DCHS1: variants seen among roughly 807,000 people sequenced by gnomAD.
DCHS1 encodes protocadherin-16.
A neutral mutation model predicts 213.9 loss-of-function variants in DCHS1; 78 were observed. The ratio of observed to expected loss-of-function variants is 0.36; its 90% CI spans 0.30 to 0.44. The LOEUF (loss-of-function observed/expected upper bound fraction) is 0.44. DCHS1 is among the 20% of genes least tolerant of loss of function. The pLI, the probability that DCHS1 is intolerant of heterozygous loss-of-function variation, is 1.00. For synonymous variants in DCHS1, 1,828 were observed against 1,873.7 expected (o/e 0.98, Z 0.63); for missense variants, 3,946 against 4,395.9 (o/e 0.90, Z 2.89).
rs751931235 is a variant in DCHS1 at position 6,624,752 on chromosome 11, G to A, written c.7263C>T (p.Gly2421=). ...ISYHLASPAD[G]FSVDPNNGTL... The stretch of plus-strand genomic sequence containing the variant: ...CACCATTGTTGGGGTCAACACTGAA[G>A]CCATCGGCAGGGGAAGCCAGGTGGT... Residue 2421 remains glycine, a synonymous_variant, in exon 20 of 21, where the codon GGC becomes GGT. Transcript: ENST00000299441. The A allele has an allele frequency of 8.7e-6, 14 of 1,613,962 alleles. No individual in the cohort carries two copies. In the South Asian group the frequency reaches 1.5e-4, roughly 18 times the overall value.
At position 6,628,565 on chromosome 11, in the gene DCHS1, G is replaced by A; in HGVS notation, c.5371+56C>T. On this transcript the variant is annotated intron_variant, in intron 13 of 20. Coordinates refer to ENST00000299441, the MANE Select transcript of DCHS1 (RefSeq NM_003737.4). The surrounding 1 kb of genome is among the most constrained non-coding windows in gnomAD (Gnocchi z 4.3). ...CACTGAGGCTGACAGCAGCCAAGAA[G>A]GAGCAAGAACCAGGCAAGTGGGTGC... 2 of 1,598,352 alleles carry A rather than the reference G, an allele frequency of 1.3e-6. No individual in the cohort carries two copies. Among genetic ancestry groups the A allele is most frequent in the South Asian group, 2.2e-5 (2 of 90,694 alleles).
chr11:6,640,728 G>T lies in DCHS1; in HGVS notation c.886C>A (p.Arg296=). The part of the protein sequence containing the change: ...VNGAVTYEIN[R]RQSEGDGPFS... ...GGTCCATCACCCTCGCTCTGCCTCC[G>T]GTTGATCTCGTAAGTCACAGCCCCA... is the stretch of plus-strand genomic sequence containing the variant. Residue 296 remains arginine (R), a synonymous_variant, in exon 2 of 21, where the codon CGG becomes AGG. Coordinates refer to ENST00000299441, the MANE Select transcript of DCHS1 (RefSeq NM_003737.4). This position sits in a 1 kb window ranked among gnomAD's most constrained non-coding sequence, Gnocchi z 6.5. 6.2e-7 allele frequency: 1 copy of T among 1,613,936 alleles called. No individual in the cohort carries two copies. Among genetic ancestry groups the T allele is most frequent in the African/African-American group, 1.3e-5 (1 of 75,034 alleles).
rs1157296617 is a variant in DCHS1, at chr11:6,630,476, G to A, written c.4318C>T (p.Pro1440Ser). The A allele has an allele frequency of 1.3e-6, 2 of 1,531,742 alleles. No homozygotes were observed. The highest frequency in any genetic ancestry group is 2.8e-5 in the African/African-American group (2 of 70,678). 94.9% of individuals were successfully genotyped at this position (1,531,742 alleles called of 1,614,324 possible). A position where few individuals can be genotyped will look rare whatever the true frequency, so the allele number is the denominator to read the frequency against. Residue 1440 changes from proline to serine, a missense_variant, in exon 10 of 21, where the codon CCG becomes TCG. Physicochemically the swap from Pro to Ser is moderately conservative, Grantham distance 74. Coordinates refer to ENST00000299441, the MANE Select transcript of DCHS1 (RefSeq NM_003737.4). ...TTCTCTGGCAGCGCCAGCGCCAGCG[G>A]GTCGCGCGCAAAGGCGGGCGCATGC... ...NEHAPAFARD[P>S]LALALPENPE...
At position 6,625,562 on chromosome 11, in the gene DCHS1, C is replaced by T; in HGVS notation, c.6862+35G>A. ...CAGGGTGGAGAAAAATGTCTCTCTG[C>T]CACCCTTTATGCCACCCACTTTACC... On this transcript the variant is annotated intron_variant, in intron 18 of 20. Transcript: ENST00000299441. The surrounding 1 kb of genome is among the most constrained non-coding windows in gnomAD (Gnocchi z 5.3). 1.2e-6 allele frequency: 2 copies of T among 1,613,190 alleles called. No individual in the cohort carries two copies. The highest frequency in any genetic ancestry group is 1.1e-5 in the South Asian group (1 of 90,994).
At position 6,628,972 on chromosome 11, in the gene DCHS1, T is replaced by C; in HGVS notation, c.5162-142A>G. 1.2e-6 allele frequency: 1 copy of C among 850,284 alleles called. No homozygotes were observed. Among genetic ancestry groups the C allele is most frequent in the Non-Finnish European group, 1.9e-6 (1 of 528,864 alleles). 52.7% of individuals were successfully genotyped at this position (850,284 alleles called of 1,614,324 possible). ...TCCATACCTCTCAGGCACACATGTGTCATGCATACATAAACATACATGTGT... is the reference window on the plus strand; with the variant it reads ...TCCATACCTCTCAGGCACACATGTGCCATGCATACATAAACATACATGTGT... On this transcript the variant is annotated intron_variant, in intron 12 of 20. Transcript: ENST00000299441. The surrounding 1 kb of genome is among the most constrained non-coding windows in gnomAD (Gnocchi z 4.3).
chr11:6,646,893 G>A (rs1252714711), intron 1 of DCHS1, among the ~76,000 whole-genome samples: 1 of 152,178 alleles, frequency 6.6e-6, no homozygotes, highest in Non-Finnish European at 1.5e-5. Context: ...GGGAACATGG[G>A]AGAGGAAAGA....
chr11:6,639,807 G>T lies in DCHS1; in HGVS notation c.1797+10C>A. 6.3e-7 allele frequency: 1 copy of T among 1,579,530 alleles called. No individual in the cohort carries two copies. Among genetic ancestry groups the T allele is most frequent in the East Asian group, 2.2e-5 (1 of 44,550 alleles). On this transcript the variant is annotated intron_variant, in intron 2 of 20. Transcript: ENST00000299441. ...CCAACACTATCTTGCTATGTGCCAG[G>T]CCTACCCACCTGCAGGAAGCAAGTT...
chr11:6,653,990 A>G (rs1467205440), intron 1 of DCHS1, among the ~76,000 whole-genome samples: 1 of 152,120 alleles, frequency 6.6e-6, no homozygotes, highest in Non-Finnish European at 1.5e-5. Context: ...CCTGGGAGGG[A>G]GGAAGGTAAC....
Position 6,632,985 on chromosome 11 carries a change from A to C in DCHS1, c.2527T>G (p.Ser843Ala). The change falls in exon 6 of 21, where the codon TCA becomes GCA. Residue 843 changes from serine to alanine, a missense_variant. Coordinates refer to ENST00000299441, the MANE Select transcript of DCHS1 (RefSeq NM_003737.4). This position sits in a 1 kb window ranked among gnomAD's most constrained non-coding sequence, Gnocchi z 5.9. ...PRGLFSLDAV[S>A]GLLQTLRPLD... ...GGGCGAAGTGTTTGCAACAGTCCTG[A>C]TACCGCATCTAGGGAGAAGAGTCCT... is the stretch of plus-strand genomic sequence containing the variant. 1 of 1,613,952 alleles carries C rather than the reference A, an allele frequency of 6.2e-7. No individual in the cohort carries two copies. Among genetic ancestry groups the C allele is most frequent in the Middle Eastern group, 1.6e-4 (1 of 6,062 alleles).
chr11:6,642,086 A>G (rs1484434797), intron 1 of DCHS1, among the ~76,000 whole-genome samples: 2 of 152,162 alleles, frequency 1.3e-5, no homozygotes, highest in Non-Finnish European at 2.9e-5. Context: ...TCCAGCCTCT[A>G]TAACCATGTA....
chr11:6,629,396 T>A, intron 12 of DCHS1, 56 bp downstream of exon 12: 1 of 1,594,536 alleles, frequency 6.3e-7, no homozygotes, highest in Admixed American at 1.7e-5. Flanking sequence ...TCTATCCAGG[T>A]AACACTGGTG....
rs747418015 is a variant in DCHS1 at position 6,622,144 on chromosome 11, T to C, written c.9532A>G (p.Ser3178Gly). ...AGCCGAGCGATCTCTGTGAAGACACTGGCCAGTGGTTGGAACTGAGGGCAC... is the reference window on the plus strand; with the variant it reads ...AGCCGAGCGATCTCTGTGAAGACACCGGCCAGTGGTTGGAACTGAGGGCAC... ...SWCPQFQPLA[S>G]VFTEIARLKD... The change falls in exon 21 of 21, where the codon AGT becomes GGT. Residue 3178 changes from serine (S) to glycine (G), a missense_variant. Ser to Gly is a moderately conservative substitution (Grantham distance 56). Transcript: ENST00000299441. This position sits in a 1 kb window ranked among gnomAD's most constrained non-coding sequence, Gnocchi z 5.4. The C allele has an allele frequency of 1.9e-6, 3 of 1,612,500 alleles. No individual in the cohort carries two copies. The African/African-American group carries it at 4.0e-5, about 22-fold the overall frequency.
rs761445894 is a variant in DCHS1, at chr11:6,632,360, C to T, written c.3152G>A (p.Ser1051Asn). The T allele has an allele frequency of 2.8e-5, 45 of 1,613,838 alleles. No homozygotes were observed. The highest frequency in any genetic ancestry group is 4.2e-6 in the Non-Finnish European group (5 of 1,179,850). Residue 1051 changes from serine (S) to asparagine (N), a missense_variant, in exon 6 of 21, where the codon AGT (serine) becomes AAT (asparagine). Ser to Asn is a conservative substitution (Grantham distance 46). Coordinates refer to ENST00000299441, the MANE Select transcript of DCHS1 (RefSeq NM_003737.4). This position sits in a 1 kb window ranked among gnomAD's most constrained non-coding sequence, Gnocchi z 5.9. ...ASSPFGLEPQ[S>N]GWLWVRAALD... ...TGCTGCCCGCACCCATAGCCACCCA[C>T]TCTGTGGCTCCAGGCCAAAGGGGCT...
chr11:6,638,509 T>C (rs1856019558), intron 2 of DCHS1, among the ~76,000 whole-genome samples: 2 of 152,226 alleles, frequency 1.3e-5, no homozygotes, highest in African/African-American at 4.8e-5. Flanking sequence ...GAACACGTCC[T>C]GGTATTTGTT....
rs937737134 is a variant in DCHS1, at chr11:6,626,635, T to G, written c.6281A>C (p.His2094Pro). ...GTPIVSPRAV[H>P]AGGTNGPITY... ...GATGGGTCCATTTGTGCCTCCTGCA[T>G]GGACGGCCCTGGGGGAGACAATAGG... is the stretch of plus-strand genomic sequence containing the variant. The change falls in exon 15 of 21, where the codon CAT (histidine) becomes CCT (proline). Residue 2094 changes from histidine (H) to proline (P), a missense_variant. His to Pro is a moderately conservative substitution (Grantham distance 77). Around this residue, in one of 3 missense-constraint regions of DCHS1, gnomAD observed 3,384 missense variants for 3,780.1 expected, o/e 0.90. Transcript: ENST00000299441. The surrounding 1 kb of genome is among the most constrained non-coding windows in gnomAD (Gnocchi z 5.2). The G allele has an allele frequency of 3.1e-6, 5 of 1,614,010 alleles. No homozygotes were observed. Among genetic ancestry groups the G allele is most frequent in the Non-Finnish European group, 4.2e-6 (5 of 1,179,888 alleles).
intron 1 of DCHS1, among the ~76,000 whole-genome samples, chr11:6,652,960 A>G (rs1240895188): frequency 6.6e-6 from 1 of 152,112 alleles, no homozygotes; most frequent in Non-Finnish European, 1.5e-5. Context: ...GCAACAGCCA[A>G]CTGTCCTTCT....
intron 1 of DCHS1, among the ~76,000 whole-genome samples, chr11:6,644,466 C>T (rs1422460040): frequency 2.6e-5 from 4 of 152,206 alleles, no homozygotes; most frequent in African/African-American, 9.7e-5. Context: ...TCTAAAAATC[C>T]TCTCCACAAA....
Position 6,655,628 on chromosome 11 carries a change from G to C in DCHS1, c.-186C>G. ...CGTCCGGCCGCGGTCAGCCCCCCGGGCAGCGCCCGCTCGCGCGGGGCCTGA... is the reference window on the plus strand; with the variant it reads ...CGTCCGGCCGCGGTCAGCCCCCCGGCCAGCGCCCGCTCGCGCGGGGCCTGA... On this transcript the variant is annotated 5_prime_UTR_variant, in exon 1 of 21. Coordinates refer to ENST00000299441, the MANE Select transcript of DCHS1 (RefSeq NM_003737.4). 1 of 978,630 alleles carries C rather than the reference G, an allele frequency of 1.0e-6. No individual in the cohort carries two copies. Among genetic ancestry groups the C allele is most frequent in the Non-Finnish European group, 1.2e-6 (1 of 826,756 alleles). The allele number at this position is 978,630 out of a possible 1,614,324, so 60.6% of individuals were successfully genotyped here. A position where few individuals can be genotyped will look rare whatever the true frequency, so the allele number is the denominator to read the frequency against.
rs1181597598 is a variant in DCHS1, at chr11:6,621,392, G to C, written c.*387C>G. 1 of 361,324 alleles carries C rather than the reference G, an allele frequency of 2.8e-6. No individual in the cohort carries two copies. The highest frequency in any genetic ancestry group is 2.1e-5 in the African/African-American group (1 of 47,604). The allele number at this position is 361,324 out of a possible 1,614,324, so 22.4% of individuals were successfully genotyped here. On this transcript the variant is annotated 3_prime_UTR_variant, in exon 21 of 21. Coordinates refer to ENST00000299441, the MANE Select transcript of DCHS1 (RefSeq NM_003737.4). Reference sequence around the variant, plus strand: ...TGGCACTTGGTTCTGGGCAGGGGCAGGGGCAGGGGTGTCAGTGGAACCCAA... The same window carrying C: ...TGGCACTTGGTTCTGGGCAGGGGCACGGGCAGGGGTGTCAGTGGAACCCAA...
Sources: gnomAD v4.1 joint callset for allele counts (sites outside exome capture counted in the v4.1 genomes callset) on GRCh38, gnomAD v4.1.1 for gene constraint, gnomAD v4.1.1 regional missense constraint, Gnocchi (gnomAD v3.1) non-coding constraint, MANE v1.5 for transcripts, NCBI Gene and HGNC (gene_info 2026-07-23, HGNC 2026-07-21) for gene names.